CHRM5: variants seen among roughly 807,000 people sequenced by gnomAD.
CHRM5 encodes cholinergic receptor muscarinic 5, also known as muscarinic acetylcholine receptor M5.
CHRM5 carries 18 observed loss-of-function variants against 39.0 expected under a neutral mutation model. The observed-to-expected ratio is 0.46, with a 90% CI of 0.32 to 0.68. The LOEUF (loss-of-function observed/expected upper bound fraction) is 0.68. CHRM5 is among the 30% of genes least tolerant of loss of function. The pLI, the probability that CHRM5 is intolerant of heterozygous loss-of-function variation, is 0.04. For synonymous variants in CHRM5, 241 were observed against 246.3 expected, an observed-to-expected ratio of 0.98 and a Z score of 0.20; for missense variants, 515 against 651.1, an observed-to-expected ratio of 0.79 and a Z score of 2.28.
In CHRM5 at chr15:34,064,139, C is replaced by T. The variant is rs759385676; in HGVS notation, c.1422C>T (p.Val474=). 3.1e-6 allele frequency: 5 copies of T among 1,614,208 alleles called. No homozygotes were observed. In the South Asian group the frequency reaches 4.4e-5, roughly 14 times the overall value. The stretch of plus-strand genomic sequence containing the variant: ...CCTTCTGTGACAAGTGTGTCCCAGT[C>T]ACCCTGTGGCACTTGGGCTATTGGT... ...VSTFCDKCVP[V]TLWHLGYWLC... Residue 474 remains valine (V), a synonymous_variant, in exon 3 of 3, where the codon GTC becomes GTT. Coordinates refer to ENST00000383263, the MANE Select transcript of CHRM5 (RefSeq NM_012125.4).
At chr15:33,973,364 T>C (rs777971620) in intron 1 of CHRM5, among the ~76,000 whole-genome samples, 9 of 152,220 alleles carry the variant, frequency 5.9e-5, no homozygotes, top group African/African-American at 1.2e-4. Context: ...AGGCTCAGTA[T>C]ATAACATAGT....
intron 1 of CHRM5, among the ~76,000 whole-genome samples, chr15:34,028,915 A>G (rs900508262): frequency 3.9e-5 from 6 of 152,086 alleles, no homozygotes; most frequent in Non-Finnish European, 8.8e-5. Context: ...AAAAATTGGG[A>G]GAGAAAGTAA....
At chr15:33,969,937 A>G (rs1202639655) in intron 1 of CHRM5, among the ~76,000 whole-genome samples, 1 of 152,054 alleles carries the variant, frequency 6.6e-6, no homozygotes, top group Non-Finnish European at 1.5e-5. Context: ...TGAGACTTCT[A>G]GAGTGACAAT....
rs544778869 is a variant in CHRM5 at position 34,013,101 on chromosome 15, G to A, written c.-407-33439G>A. The stretch of plus-strand genomic sequence containing the variant: ...TTTTGAGACAGAGTCTCACTCTGTC[G>A]CCCCGGCTGGAGTGCAATGGCGCAA... On this transcript the variant is annotated intron_variant, in intron 1 of 2. Coordinates refer to ENST00000383263, the MANE Select transcript of CHRM5 (RefSeq NM_012125.4). Among the ~76,000 whole-genome samples the A allele has an allele frequency of 1.8e-3, 276 of 151,846 alleles. 1 individual carries two copies. Among genetic ancestry groups the A allele is most frequent in the African/African-American group, 5.1e-3 (211 of 41,472 alleles).
chr15:33,996,297 G>A (rs1896930435), intron 1 of CHRM5, among the ~76,000 whole-genome samples: 1 of 152,068 alleles, frequency 6.6e-6, no homozygotes, highest in Non-Finnish European at 1.5e-5. Flanking sequence ...AGACTTAAAC[G>A]TCCCTGTCTG....
At chr15:34,053,513 G>C (rs1900021794) in intron 2 of CHRM5, among the ~76,000 whole-genome samples, 1 of 151,584 alleles carries the variant, frequency 6.6e-6, no homozygotes, top group African/African-American at 2.4e-5. Context: ...AGAGAATTCA[G>C]AAATAAAACT....
intron 2 of CHRM5, among the ~76,000 whole-genome samples, chr15:34,055,329 C>A (rs1300517169): frequency 4.0e-5 from 6 of 151,886 alleles, no homozygotes; most frequent in Non-Finnish European, 8.8e-5. Context: ...TAAACCCCAT[C>A]TCTACTAAAA....
chr15:34,003,238 T>C lies in CHRM5; in HGVS notation c.-408+34088T>C, dbSNP rs748341724. 7.5e-6 allele frequency: 12 copies of C among 1,608,286 alleles called. No individual in the cohort carries two copies. The East Asian group carries it at 2.2e-4, about 30-fold the overall frequency. ...CAATCATTAGAGACAAATCAATAAG[T>C]AAGCAGTGGAAATCCTGACCTTAGT... On this transcript the variant is annotated intron_variant, in intron 1 of 2. Coordinates refer to ENST00000383263, the MANE Select transcript of CHRM5 (RefSeq NM_012125.4).
intron 1 of CHRM5, among the ~76,000 whole-genome samples, chr15:34,022,425 G>A (rs1338889289): frequency 6.6e-6 from 1 of 152,134 alleles, no homozygotes; most frequent in Non-Finnish European, 1.5e-5. Context: ...TTAAAAGAAA[G>A]GGCAGCAAAG....
intron 1 of CHRM5, among the ~76,000 whole-genome samples, chr15:34,026,862 C>A (rs922791667): frequency 2.0e-4 from 30 of 152,162 alleles, no homozygotes; most frequent in African/African-American, 7.2e-4. Flanking sequence ...TTTGGCTGAG[C>A]CAAAAACTCT....
chr15:33,971,815 T>C (rs1597290979), intron 1 of CHRM5, among the ~76,000 whole-genome samples: 1 of 152,110 alleles, frequency 6.6e-6, no homozygotes, highest in Non-Finnish European at 1.5e-5. Context: ...TAATTTTCCT[T>C]ATGAAGTGAC....
chr15:33,995,341 T>G (rs1440164326), intron 1 of CHRM5, among the ~76,000 whole-genome samples: 1 of 152,188 alleles, frequency 6.6e-6, no homozygotes, highest in African/African-American at 2.4e-5. Flanking sequence ...AATAATACAG[T>G]ATAACTTTAC....
At chr15:33,998,534 C>A (rs954025089) in intron 1 of CHRM5, among the ~76,000 whole-genome samples, 2 of 152,158 alleles carry the variant, frequency 1.3e-5, no homozygotes, top group Non-Finnish European at 2.9e-5. Flanking sequence ...TTCTCCTTTC[C>A]TTTATAACAA....
At chr15:33,984,092 GA>G (rs1462426681) in intron 1 of CHRM5, among the ~76,000 whole-genome samples, 2 of 152,014 alleles carry the variant, frequency 1.3e-5, no homozygotes, top group Non-Finnish European at 2.9e-5. Context: ...AGTTAGAAGA[GA>G]AAAAGGACAT....
In CHRM5 at chr15:34,065,228, T is replaced by C. The variant is rs1033422879; in HGVS notation, c.*912T>C. On this transcript the variant is annotated 3_prime_UTR_variant, in exon 3 of 3. Coordinates refer to ENST00000383263, the MANE Select transcript of CHRM5 (RefSeq NM_012125.4). ...GACTAATTGTGTAAGAGCCCTTCAC[T>C]GGCTGAAGATTTTCTCCAGGCTGTT... 7.2e-5 allele frequency: 11 copies of C among 152,544 alleles called. No homozygotes were observed. Among genetic ancestry groups the C allele is most frequent in the Middle Eastern group, 3.4e-3 (1 of 294 alleles). The allele number at this position is 152,544 out of a possible 1,614,324, so 9.4% of individuals were successfully genotyped here. A position where few individuals can be genotyped will look rare whatever the true frequency, so the allele number is the denominator to read the frequency against.
At chr15:33,976,076 G>A (rs528144242) in intron 1 of CHRM5, among the ~76,000 whole-genome samples, 1 of 152,326 alleles carries the variant, frequency 6.6e-6, no homozygotes, top group South Asian at 2.1e-4. Context: ...TTGCAAGTGA[G>A]ATGGGGCTCA....
chr15:34,059,553 T>C lies in CHRM5; in HGVS notation c.-75-3090T>C, dbSNP rs1335907319. ...TCTTAGGTCCTCTCCTGTCCCTCCT[T>C]CTCCTGCCAGCCTCTCCAGTTTCAC... is the stretch of plus-strand genomic sequence containing the variant. On this transcript the variant is annotated intron_variant, in intron 2 of 2. Coordinates refer to ENST00000383263, the MANE Select transcript of CHRM5 (RefSeq NM_012125.4). Among the ~76,000 whole-genome samples, 4 of 152,118 alleles carry C rather than the reference T, an allele frequency of 2.6e-5. No individual in the cohort carries two copies. The East Asian group carries it at 5.8e-4, about 22-fold the overall frequency.
At chr15:34,055,474 C>T (rs907008673) in intron 2 of CHRM5, among the ~76,000 whole-genome samples, 2 of 151,802 alleles carry the variant, frequency 1.3e-5, no homozygotes, top group African/African-American at 4.8e-5. Flanking sequence ...CACTGCATTC[C>T]AGCCTGGGCA....
At chr15:34,050,732 A>G (rs549594001) in intron 2 of CHRM5, among the ~76,000 whole-genome samples, 1 of 152,316 alleles carries the variant, frequency 6.6e-6, no homozygotes, top group African/African-American at 2.4e-5. Flanking sequence ...CTTTAAACCA[A>G]TAAGATCAAA....
Sources: gnomAD v4.1 joint callset for allele counts (sites outside exome capture counted in the v4.1 genomes callset) on GRCh38, gnomAD v4.1.1 for gene constraint, MANE v1.5 for transcripts, NCBI Gene and HGNC (gene_info 2026-07-23, HGNC 2026-07-21) for gene names.